Variants in CGAS observed in about 807,000 individuals in gnomAD.
CGAS encodes the protein cyclic GMP-AMP synthase, also known as 2'3'-cGAMP synthase.
Under a neutral mutation model 34.0 loss-of-function variants are expected in CGAS, and 31 were observed. That is an observed-to-expected ratio of 0.91 (90% CI 0.69 to 1.23). The LOEUF is 1.23. Ranked by LOEUF, CGAS falls within the 50% of genes most tolerant of loss-of-function variation. The pLI is 0.00. For missense variants in CGAS, 597 were observed against 657.6 expected, an observed-to-expected ratio of 0.91 and a Z score of 1.01; for synonymous variants, 266 against 260.0, an observed-to-expected ratio of 1.02 and a Z score of -0.22.
Position 73,425,594 on chromosome 6 carries a change from G to A in CGAS, c.1218-16C>T, listed in dbSNP as rs764438008. 24 of 1,491,266 alleles carry A rather than the reference G, an allele frequency of 1.6e-5. No homozygotes were observed. Among genetic ancestry groups the A allele is most frequent in the Middle Eastern group, 1.8e-4 (1 of 5,580 alleles). The allele number at this position is 1,491,266 out of a possible 1,614,324, so 92.4% of individuals were successfully genotyped here. ...ACAATCTTTCCTGTTGAATAAAAAAGGAAAACACTTATTTTTACTTATTTA... is the reference window on the plus strand; with the variant it reads ...ACAATCTTTCCTGTTGAATAAAAAAAGAAAACACTTATTTTTACTTATTTA... On this transcript the variant is annotated splice_polypyrimidine_tract_variant and intron_variant, in intron 4 of 4. Transcript: ENST00000370315.
intron 3 of CGAS, among the ~76,000 whole-genome samples, chr6:73,434,969 T>A (rs1770257628): frequency 6.6e-6 from 1 of 152,120 alleles, no homozygotes; most frequent in Non-Finnish European, 1.5e-5. Context: ...TAGCTAACAA[T>A]AATATATCAA....
intron 1 of CGAS, among the ~76,000 whole-genome samples, chr6:73,449,304 G>A (rs1009304492): frequency 1.3e-5 from 2 of 151,782 alleles, no homozygotes; most frequent in South Asian, 2.1e-4. Context: ...GTGAAACCCC[G>A]TCTCTACTAA....
intron 3 of CGAS, among the ~76,000 whole-genome samples, chr6:73,429,553 G>T (rs771628746): frequency 6.6e-6 from 1 of 151,962 alleles, no homozygotes; most frequent in Non-Finnish European, 1.5e-5. Context: ...TCACCTGGGC[G>T]CGGTGGCTCA....
rs759319598 is a variant in CGAS at position 73,445,506 on chromosome 6, A to G, written c.877+22T>C. The G allele has an allele frequency of 2.6e-6, 4 of 1,540,594 alleles. No homozygotes were observed. The East Asian group carries it at 9.0e-5, about 35-fold the overall frequency. On this transcript the variant is annotated intron_variant, in intron 2 of 4. Transcript: ENST00000370315. ...TACTAGGTATAATTAAACCTTTAAG[A>G]ATCAAAAGGCAAAAGTCTTACCTTT...
Position 73,445,868 on chromosome 6 carries a change from T to C in CGAS, c.658-121A>G, listed in dbSNP as rs766899537. 51 of 687,332 alleles carry C rather than the reference T, an allele frequency of 7.4e-5. No individual in the cohort carries two copies. The Middle Eastern group carries it at 1.2e-3, about 16-fold the overall frequency. 42.6% of individuals were successfully genotyped at this position (687,332 alleles called of 1,614,324 possible). A position where few individuals can be genotyped will look rare whatever the true frequency, so the allele number is the denominator to read the frequency against. On this transcript the variant is annotated intron_variant, in intron 1 of 4. Transcript: ENST00000370315. ...TAAAAAGCAAGATTCATAATGTCTA[T>C]ATATACCCTCTGGGAGTGGGACTAG...
intron 3 of CGAS, 48 bp from the exon 4 acceptor site, chr6:73,428,859 A>G: frequency 4.7e-6 from 7 of 1,486,016 alleles, no homozygotes; most frequent in Non-Finnish European, 4.6e-6. Flanking sequence ...CAAAGCATCC[A>G]TATCTAAACA....
At position 73,425,426 on chromosome 6, in the gene CGAS, C is replaced by A. The variant is rs968744350; in HGVS notation, c.1370G>T (p.Arg457Leu). 1.2e-6 allele frequency: 2 copies of A among 1,613,986 alleles called. No individual in the cohort carries two copies. Among genetic ancestry groups the A allele is most frequent in the Non-Finnish European group, 1.7e-6 (2 of 1,180,004 alleles). The stretch of plus-strand genomic sequence containing the variant: ...ATCAAAGCAGAGGCCCAGGTCTTTG[C>A]GGTCCCACTGACTGTCTTGAGGGTT... ...TQNPQDSQWDRKDLGLCFDNC... is the reference protein window; with the variant it reads ...TQNPQDSQWDLKDLGLCFDNC... Residue 457 changes from arginine (R) to leucine (L), a missense_variant, in exon 5 of 5, where the codon CGC becomes CTC. Arg to Leu is a moderately radical substitution (Grantham distance 102). Transcript: ENST00000370315.
intron 3 of CGAS, among the ~76,000 whole-genome samples, chr6:73,433,530 C>T (rs902771512): frequency 6.6e-6 from 1 of 150,980 alleles, no homozygotes; most frequent in African/African-American, 2.4e-5. Context: ...CTCTCTGTCA[C>T]CAGGCTGGAG....
intron 4 of CGAS, 130 bp from the exon 5 acceptor site, chr6:73,425,708 A>G (rs1770074450): frequency 3.3e-6 from 2 of 604,678 alleles, no homozygotes; most frequent in Non-Finnish European, 2.8e-6. Flanking sequence ...GCGTGGTGAC[A>G]CAACGCCTGT....
chr6:73,427,551 TGGCCTCCCAAAG>T (rs1562290253), intron 4 of CGAS, among the ~76,000 whole-genome samples: 1 of 151,624 alleles, frequency 6.6e-6, no homozygotes, highest in African/African-American at 2.4e-5. Context: ...CCACCTGCCC[TGGCCTCCCAAAG>T]TGCTGGGATT....
At chr6:73,431,999 T>C (rs1343537689) in intron 3 of CGAS, among the ~76,000 whole-genome samples, 1 of 152,016 alleles carries the variant, frequency 6.6e-6, no homozygotes, top group African/African-American at 2.4e-5. Flanking sequence ...TGGCTAATTT[T>C]TGGATTTTTT....
chr6:73,446,842 G>T (rs985994242), intron 1 of CGAS, among the ~76,000 whole-genome samples: 1 of 151,744 alleles, frequency 6.6e-6, no homozygotes, highest in Non-Finnish European at 1.5e-5. Flanking sequence ...CGAATCACAA[G>T]GTCAAGAGAT....
intron 2 of CGAS, among the ~76,000 whole-genome samples, chr6:73,441,851 T>G (rs1770386774): frequency 6.6e-6 from 1 of 152,134 alleles, no homozygotes; most frequent in African/African-American, 2.4e-5. Flanking sequence ...CTGTTACCAC[T>G]GAGGAAGTAA....
chr6:73,450,130 A>C (rs1473277636), intron 1 of CGAS, among the ~76,000 whole-genome samples: 3 of 150,942 alleles, frequency 2.0e-5, no homozygotes, highest in Non-Finnish European at 3.0e-5. Context: ...AAAGAAGAGA[A>C]AAGAAGCCGG....
intron 4 of CGAS, among the ~76,000 whole-genome samples, chr6:73,426,151 C>T (rs1315583971): frequency 6.6e-6 from 1 of 150,752 alleles, no homozygotes; most frequent in African/African-American, 2.4e-5. Context: ...GGTGTGGTGG[C>T]GTGCACCTAT....
At chr6:73,430,244 T>C (rs1247617786) in intron 3 of CGAS, among the ~76,000 whole-genome samples, 1 of 151,828 alleles carries the variant, frequency 6.6e-6, no homozygotes, top group East Asian at 1.9e-4. Context: ...GCAAGCACAG[T>C]AAGGGAAGGA....
At chr6:73,445,955 A>G (rs1342468440) in intron 1 of CGAS, among the ~76,000 whole-genome samples, 1 of 152,148 alleles carries the variant, frequency 6.6e-6, no homozygotes, top group Non-Finnish European at 1.5e-5. Context: ...ACACTCAATT[A>G]ATTTTTTTTA....
intron 3 of CGAS, among the ~76,000 whole-genome samples, chr6:73,434,165 A>G (rs1192895931): frequency 2.6e-5 from 4 of 152,240 alleles, no homozygotes; most frequent in African/African-American, 4.8e-5. Flanking sequence ...TAGCTACACA[A>G]TACGGTTGGC....
At position 73,440,402 on chromosome 6, in the gene CGAS, A is replaced by T. The variant is rs1440244567; in HGVS notation, c.921T>A (p.Ala307=). 4 of 1,614,156 alleles carry T rather than the reference A, an allele frequency of 2.5e-6. No individual in the cohort carries two copies. Among genetic ancestry groups the T allele is most frequent in the Non-Finnish European group, 3.4e-6 (4 of 1,180,028 alleles). Reference sequence around the variant, plus strand: ...TTTTTTCACTAATAAGAAGTGTTACAGCAGGGCTCCCTCCTCTTTTCCTCT... The same window carrying T: ...TTTTTTCACTAATAAGAAGTGTTACTGCAGGGCTCCCTCCTCTTTTCCTCT... ...IMKRKRGGSP[A]VTLLISEKIS... Residue 307 remains alanine (A), a synonymous_variant, in exon 3 of 5, where the codon GCT becomes GCA. Transcript: ENST00000370315.
Sources: allele counts gnomAD v4.1 joint callset (sites outside exome capture counted in the v4.1 genomes callset), GRCh38; gene constraint gnomAD v4.1.1; transcripts MANE v1.5; gene names NCBI Gene and HGNC (gene_info 2026-07-23, HGNC 2026-07-21).